MT2A: variants seen among roughly 807,000 people sequenced by gnomAD.
MT2A encodes metallothionein 2A.
In MT2A, 6 loss-of-function variants were observed where a neutral mutation model predicts 9.9. The ratio of observed to expected loss-of-function variants is 0.61; its 90% CI spans 0.33 to 1.20. The LOEUF (loss-of-function observed/expected upper bound fraction) is 1.20, where lower values mean the gene tolerates loss of function less well. Ranked by LOEUF, MT2A falls within the 50% of genes most tolerant of loss-of-function variation. MT2A has a pLI of 0.04. For missense variants in MT2A, 57 were observed against 78.2 expected (o/e 0.73, Z 1.02); for synonymous variants, 27 against 28.7 (o/e 0.94, Z 0.18).
In MT2A at chr16:56,608,653, G is replaced by T; in HGVS notation, c.-3G>T. 6.2e-7 allele frequency: 1 copy of T among 1,614,190 alleles called. No individual in the cohort carries two copies. On this transcript the variant is annotated 5_prime_UTR_variant, in exon 1 of 3. Coordinates refer to ENST00000245185, the MANE Select transcript of MT2A (RefSeq NM_005953.5). ...CCGACTCTAGCCGCCTCTTCAGCTC[G>T]CCATGGATCCCAACTGCTCCTGCGC...
At position 56,608,615 on chromosome 16, in the gene MT2A, C is replaced by T. The variant is rs546213199; in HGVS notation, c.-41C>T. 6.2e-6 allele frequency: 10 copies of T among 1,614,070 alleles called. No individual in the cohort carries two copies. The South Asian group carries it at 1.1e-4, about 18-fold the overall frequency. ...CCTCCTCCAAGTCCCAGCGAACCCG[C>T]GTGCAACCTGTCCCGACTCTAGCCG... is the stretch of plus-strand genomic sequence containing the variant. On this transcript the variant is annotated 5_prime_UTR_variant, in exon 1 of 3. Transcript: ENST00000245185.
intron 1 of MT2A, 104 bp from the exon 2 acceptor site, chr16:56,608,888 A>C (rs1597058734): frequency 7.1e-7 from 1 of 1,409,374 alleles, no homozygotes; most frequent in East Asian, 2.3e-5. Context: ...TCAAGTTCCC[A>C]GGAATCGGTT....
intron 2 of MT2A, 63 bp downstream of exon 2, chr16:56,609,120 A>G (rs1250490319): frequency 6.2e-7 from 1 of 1,609,224 alleles, no homozygotes; most frequent in Non-Finnish European, 8.5e-7. Flanking sequence ...CCTCTCCACC[A>G]TCCTCAGGGG....
intron 2 of MT2A, 101 bp downstream of exon 2, chr16:56,609,158 T>G (rs1202253015): frequency 1.2e-6 from 2 of 1,611,018 alleles, no homozygotes; most frequent in African/African-American, 1.3e-5. Flanking sequence ...GATGCCCCAT[T>G]GCGCGGAAAT....
At chr16:56,609,172 T>G (rs1960003288) in intron 2 of MT2A, 91 bp from the exon 3 acceptor site, 1 of 1,612,098 alleles carries the variant, frequency 6.2e-7, no homozygotes, top group South Asian at 1.1e-5. Context: ...CGGAAATTGT[T>G]GCCTCCTCAG....
chr16:56,609,109 C>G (rs767294529), intron 2 of MT2A, 52 bp downstream of exon 2: 1 of 1,612,094 alleles, frequency 6.2e-7, no homozygotes, highest in Non-Finnish European at 8.5e-7. Context: ...CCAGCCTGTC[C>G]CCTCTCCACC....
chr16:56,608,924 C>T lies in MT2A; in HGVS notation c.29-68C>T, dbSNP rs1230273077. On this transcript the variant is annotated intron_variant, in intron 1 of 2. Coordinates refer to ENST00000245185, the MANE Select transcript of MT2A (RefSeq NM_005953.5). The stretch of plus-strand genomic sequence containing the variant: ...GTGGACTGAGGAACTCGGCCCCGGG[C>T]TCTTAGTACGCCGTCCCTTGTTCAG... 5 of 1,569,664 alleles carry T rather than the reference C, an allele frequency of 3.2e-6. No individual in the cohort carries two copies. In the African/African-American group the frequency reaches 5.4e-5, roughly 17 times the overall value.
rs541615122 is a variant in MT2A, at chr16:56,609,472, A to G, written c.*118A>G. 43 of 1,332,500 alleles carry G rather than the reference A, an allele frequency of 3.2e-5. No homozygotes were observed. 82.5% of individuals were successfully genotyped at this position (1,332,500 alleles called of 1,614,324 possible). A position where few individuals can be genotyped will look rare whatever the true frequency, so the allele number is the denominator to read the frequency against. ...TTCCTTTTTCTATGAAATAATGTGAATGATAATAAAACAGCTTTGACTTGA... is the reference window on the plus strand; with the variant it reads ...TTCCTTTTTCTATGAAATAATGTGAGTGATAATAAAACAGCTTTGACTTGA... On this transcript the variant is annotated 3_prime_UTR_variant, in exon 3 of 3. Coordinates refer to ENST00000245185, the MANE Select transcript of MT2A (RefSeq NM_005953.5).
Position 56,608,702 on chromosome 16 carries a change from C to T in MT2A, c.28+19C>T. ...GCCGCCGGTAAGAGGCTGGGGATGC[C>T]CAGTGTAGACTGTAGCGCTAGAGAA... On this transcript the variant is annotated intron_variant, in intron 1 of 2. Coordinates refer to ENST00000245185, the MANE Select transcript of MT2A (RefSeq NM_005953.5). The T allele has an allele frequency of 6.2e-7, 1 of 1,614,142 alleles. No homozygotes were observed. Among genetic ancestry groups the T allele is most frequent in the Non-Finnish European group, 8.5e-7 (1 of 1,180,026 alleles).
intron 2 of MT2A, 44 bp from the exon 3 acceptor site, chr16:56,609,219 G>A (rs1385838661): frequency 8.1e-6 from 13 of 1,613,558 alleles, no homozygotes; most frequent in Non-Finnish European, 1.1e-5. Context: ...CCTTATTCCC[G>A]GTGTCGCTAG....
At position 56,609,419 on chromosome 16, in the gene MT2A, A is replaced by G. The variant is rs1160442926; in HGVS notation, c.*65A>G. 2 of 1,591,860 alleles carry G rather than the reference A, an allele frequency of 1.3e-6. No homozygotes were observed. Among genetic ancestry groups the G allele is most frequent in the Admixed American group, 1.7e-5 (1 of 57,210 alleles). ...TTCCACAAACCTGGATTTTTTATGT[A>G]CAACCCTGACCGTGACCGTTTGCTA... On this transcript the variant is annotated 3_prime_UTR_variant, in exon 3 of 3. Transcript: ENST00000245185.
chr16:56,608,886 C>T lies in MT2A; in HGVS notation c.29-106C>T, dbSNP rs867401788. 28 of 1,409,376 alleles carry T rather than the reference C, an allele frequency of 2.0e-5. 1 individual carries two copies. The South Asian group carries it at 3.2e-4, about 16-fold the overall frequency. The allele number at this position is 1,409,376 out of a possible 1,614,324, so 87.3% of individuals were successfully genotyped here. A position where few individuals can be genotyped will look rare whatever the true frequency, so the allele number is the denominator to read the frequency against. On this transcript the variant is annotated intron_variant, in intron 1 of 2. Transcript: ENST00000245185. The stretch of plus-strand genomic sequence containing the variant: ...CTGAGTTAATGGCTTGCTCAAGTTC[C>T]CAGGAATCGGTTGTGGACTGAGGAA...
At chr16:56,608,949 G>A in intron 1 of MT2A, 43 bp from the exon 2 acceptor site, 1 of 1,600,764 alleles carries the variant, frequency 6.2e-7, no homozygotes, top group South Asian at 1.1e-5. Flanking sequence ...CCCTTGTTCA[G>A]GTATCCAGGG....
intron 2 of MT2A, 103 bp downstream of exon 2, chr16:56,609,160 C>T: frequency 6.2e-7 from 1 of 1,610,244 alleles, no homozygotes; most frequent in Non-Finnish European, 8.5e-7. Context: ...TGCCCCATTG[C>T]GCGGAAATTG....
Position 56,609,274 on chromosome 16 carries a change from T to G in MT2A, c.106T>G (p.Cys36Gly), listed in dbSNP as rs1960004992. ...CTSCKKSCCSCCPVGCAKCAQ... is the reference protein window; with the variant it reads ...CTSCKKSCCSGCPVGCAKCAQ... ...CTGTCTGCCCCCAGGCTGCTGCTCCTGCTGCCCTGTGGGCTGTGCCAAGTG... is the reference window on the plus strand; with the variant it reads ...CTGTCTGCCCCCAGGCTGCTGCTCCGGCTGCCCTGTGGGCTGTGCCAAGTG... Residue 36 changes from cysteine (C) to glycine (G), a missense_variant, in exon 3 of 3, where the codon TGC becomes GGC. Physicochemically the swap from Cys to Gly is radical, Grantham distance 159 (BLOSUM62 -3). Transcript: ENST00000245185. The G allele has an allele frequency of 9.3e-6, 15 of 1,614,104 alleles. No homozygotes were observed. Among genetic ancestry groups the G allele is most frequent in the Non-Finnish European group, 1.3e-5 (15 of 1,180,054 alleles).
At position 56,609,311 on chromosome 16, in the gene MT2A, G is replaced by A; in HGVS notation, c.143G>A (p.Cys48Tyr). The part of the protein sequence containing the change: ...PVGCAKCAQG[C>Y]ICKGASDKCS... The stretch of plus-strand genomic sequence containing the variant: ...GGCTGTGCCAAGTGTGCCCAGGGCT[G>A]CATCTGCAAAGGGGCGTCGGACAAG... The change falls in exon 3 of 3, where the codon TGC becomes TAC. Residue 48 changes from cysteine to tyrosine, a missense_variant. Coordinates refer to ENST00000245185, the MANE Select transcript of MT2A (RefSeq NM_005953.5). 3 of 1,614,242 alleles carry A rather than the reference G, an allele frequency of 1.9e-6. No homozygotes were observed. The highest frequency in any genetic ancestry group is 2.5e-6 in the Non-Finnish European group (3 of 1,180,048).
Position 56,608,640 on chromosome 16 carries a change from G to A in MT2A, c.-16G>A, listed in dbSNP as rs761221696. 4 of 1,614,142 alleles carry A rather than the reference G, an allele frequency of 2.5e-6. No homozygotes were observed. The highest frequency in any genetic ancestry group is 1.3e-5 in the African/African-American group (1 of 75,048). Reference sequence around the variant, plus strand: ...CGTGCAACCTGTCCCGACTCTAGCCGCCTCTTCAGCTCGCCATGGATCCCA... The same window carrying A: ...CGTGCAACCTGTCCCGACTCTAGCCACCTCTTCAGCTCGCCATGGATCCCA... On this transcript the variant is annotated 5_prime_UTR_variant, in exon 1 of 3. Coordinates refer to ENST00000245185, the MANE Select transcript of MT2A (RefSeq NM_005953.5).
chr16:56,609,401 A>G lies in MT2A; in HGVS notation c.*47A>G. 1 of 1,607,232 alleles carries G rather than the reference A, an allele frequency of 6.2e-7. No homozygotes were observed. Among genetic ancestry groups the G allele is most frequent in the South Asian group, 1.1e-5 (1 of 90,530 alleles). ...AGATGTAAAGAACGCGACTTCCACA[A>G]ACCTGGATTTTTTATGTACAACCCT... On this transcript the variant is annotated 3_prime_UTR_variant, in exon 3 of 3. Transcript: ENST00000245185.
intron 1 of MT2A, 58 bp downstream of exon 1, chr16:56,608,741 C>T: frequency 6.2e-7 from 1 of 1,608,668 alleles, no homozygotes; most frequent in South Asian, 1.1e-5. Flanking sequence ...ATTTCTGACC[C>T]CTCTTTCTTT....
Sources: gnomAD v4.1 joint callset for allele counts on GRCh38, gnomAD v4.1.1 for gene constraint, MANE v1.5 for transcripts, NCBI Gene and HGNC (gene_info 2026-07-23, HGNC 2026-07-21) for gene names.